MEST: variants seen among roughly 807,000 people sequenced by gnomAD.
MEST encodes mesoderm specific transcript.
MEST carries 18 observed loss-of-function variants against 50.9 expected under a neutral mutation model. That is an observed-to-expected ratio of 0.35 (90% CI 0.24 to 0.52). The LOEUF (loss-of-function observed/expected upper bound fraction) is 0.52. Among genes scored for constraint, MEST ranks in the 20% least tolerant of loss-of-function variants. The pLI is 0.94. For synonymous variants in MEST, 130 were observed against 154.1 expected (o/e 0.84, Z 1.16); for missense variants, 282 against 425.3 (o/e 0.66, Z 2.96).
At chr7:130,501,073 CTT>C (rs1463432926) in intron 9 of MEST, 183 bp downstream of exon 9, 23 of 527,352 alleles carry the variant, frequency 4.4e-5, no homozygotes, top group African/African-American at 2.1e-4. Context: ...AAACTGGACT[CTT>C]TGTTAGTATT....
At chr7:130,488,298 T>G (rs1466461343), upstream of MEST, 1 of 152,218 alleles carries the variant, frequency 6.6e-6, no homozygotes, top group Non-Finnish European at 1.5e-5. Context: ...AGACAGCCCC[T>G]ATGTTGGAAA....
Position 130,505,868 on chromosome 7 carries a change from A to T in MEST, c.*812A>T, listed in dbSNP as rs1460882377. On this transcript the variant is annotated 3_prime_UTR_variant, in exon 12 of 12. Transcript: ENST00000223215. The stretch of plus-strand genomic sequence containing the variant: ...ATTAGCTGGGAAGACCAATTCTAAC[A>T]GCAAATAACAGTCTGAGACTCCTCA... 6.6e-6 allele frequency: 1 copy of T among 152,214 alleles called. No homozygotes were observed. The highest frequency in any genetic ancestry group is 6.5e-5 in the Admixed American group (1 of 15,282). The allele number at this position is 152,214 out of a possible 1,614,324, so 9.4% of individuals were successfully genotyped here. A position where few individuals can be genotyped will look rare whatever the true frequency, so the allele number is the denominator to read the frequency against.
Position 130,492,290 on chromosome 7 carries a change from C to G in MEST, c.-24C>G. On this transcript the variant is annotated 5_prime_UTR_variant, in exon 1 of 12. Transcript: ENST00000223215. This position sits in a 1 kb window ranked among gnomAD's most constrained non-coding sequence, Gnocchi z 7.6. ...CGCCCGGTGCTCTGCAACGCTGCGG[C>G]GGGCGGCATGGGATAACGCGGCCAT... 1 of 1,348,322 alleles carries G rather than the reference C, an allele frequency of 7.4e-7. No homozygotes were observed. Among genetic ancestry groups the G allele is most frequent in the East Asian group, 3.0e-5 (1 of 33,120 alleles). 83.5% of individuals were successfully genotyped at this position (1,348,322 alleles called of 1,614,324 possible).
Position 130,500,973 on chromosome 7 carries a change from T to TA in MEST, c.749+84dup. On this transcript the variant is annotated intron_variant, in intron 9 of 11. Transcript: ENST00000223215. The surrounding 1 kb of genome is among the most constrained non-coding windows in gnomAD (Gnocchi z 5.0). ...TTGCTTGTTCTGTTCCTTGCTGGCT[T>TA]ATTCCCTATCACAGGAAGGCTGATG... 8.3e-7 allele frequency: 1 copy of TA among 1,208,308 alleles called. No homozygotes were observed. Among genetic ancestry groups the TA allele is most frequent in the South Asian group, 1.4e-5 (1 of 70,330 alleles). The allele number at this position is 1,208,308 out of a possible 1,614,324, so 74.8% of individuals were successfully genotyped here.
chr7:130,496,728 G>A (rs1234605450), intron 2 of MEST: 2 of 160,420 alleles, frequency 1.2e-5, no homozygotes, highest in African/African-American at 4.8e-5. Context: ...CTTGGGAATA[G>A]TTGCTGTATC....
chr7:130,487,386 C>T (rs1193423802), upstream of MEST: 1 of 152,200 alleles, frequency 6.6e-6, no homozygotes, highest in Non-Finnish European at 1.5e-5. Context: ...GAAGAAGTAC[C>T]AGCTGTGGGA....
At chr7:130,498,356 T>C (rs2116272211) in intron 5 of MEST, 63 bp from the exon 6 acceptor site, 1 of 1,611,574 alleles carries the variant, frequency 6.2e-7, no homozygotes, top group Non-Finnish European at 8.5e-7. Flanking sequence ...TTTCTCTCGT[T>C]TTCAGCGGTG....
chr7:130,488,134 T>C (rs1798679036), upstream of MEST: 1 of 152,174 alleles, frequency 6.6e-6, no homozygotes, highest in African/African-American at 2.4e-5. Flanking sequence ...TTCCAGTTCA[T>C]CTTGGAGCCT....
upstream of MEST, chr7:130,487,834 AC>A (rs1482837290): frequency 6.6e-6 from 1 of 152,210 alleles, no homozygotes; most frequent in African/African-American, 2.4e-5. Flanking sequence ...TTTGGTAGAG[AC>A]GGGGTTTCAC....
chr7:130,501,350 T>C (rs1799270636), intron 9 of MEST, among the ~76,000 whole-genome samples: 1 of 152,204 alleles, frequency 6.6e-6, no homozygotes, highest in Admixed American at 6.5e-5. Context: ...TAGCTTCCAG[T>C]GTTTTTACTG....
chr7:130,490,565 A>T (rs1403997198), upstream of MEST, among the ~76,000 whole-genome samples: 1 of 152,144 alleles, frequency 6.6e-6, no homozygotes, highest in East Asian at 1.9e-4. Flanking sequence ...GGGGCTACAA[A>T]AGGTGAATAA....
chr7:130,504,833 C>CT, intron 11 of MEST, 106 bp from the exon 12 acceptor site: 1 of 742,342 alleles, frequency 1.3e-6, no homozygotes, highest in South Asian at 1.8e-5. Context: ...TTGGTGGCTC[C>CT]TTCCAGTGTG....
At chr7:130,502,953 T>A (rs1299537566) in intron 10 of MEST, among the ~76,000 whole-genome samples, 1 of 152,204 alleles carries the variant, frequency 6.6e-6, no homozygotes, top group Non-Finnish European at 1.5e-5. Context: ...AAATTCAAAT[T>A]TTCTGGGTAT....
chr7:130,487,144 G>A (rs908997634), upstream of MEST: 1 of 151,742 alleles, frequency 6.6e-6, no homozygotes, highest in Non-Finnish European at 1.5e-5. Context: ...CTGTGCTGAA[G>A]CCCTTTCCTC....
intron 11 of MEST, 22 bp from the exon 12 acceptor site, chr7:130,504,917 G>C (rs782104567): frequency 6.3e-7 from 1 of 1,594,888 alleles, no homozygotes; most frequent in Non-Finnish European, 8.6e-7. Context: ...AAGTTCACCT[G>C]CGTGCTGTTC....
At position 130,500,503 on chromosome 7, in the gene MEST, A is replaced by ACTGATGAACTTCTT; in HGVS notation, c.619_632dup (p.Val212Ter). Reference sequence around the variant, plus strand: ...GTGTGCTGTCACCCATCCTCACACGACTGATGAACTTCTTTGTATTCTCTC... The same window carrying ACTGATGAACTTCTT: ...GTGTGCTGTCACCCATCCTCACACGACTGATGAACTTCTTCTGATGAACTTCTTTGTATTCTCTC... On this transcript the variant is annotated frameshift_variant, in exon 8 of 12. Coordinates refer to ENST00000223215, the MANE Select transcript of MEST (RefSeq NM_002402.4). LOFTEE classifies it high-confidence loss of function. This position sits in a 1 kb window ranked among gnomAD's most constrained non-coding sequence, Gnocchi z 5.0. 2 of 1,613,810 alleles carry ACTGATGAACTTCTT rather than the reference A, an allele frequency of 1.2e-6. No homozygotes were observed. The highest frequency in any genetic ancestry group is 1.7e-6 in the Non-Finnish European group (2 of 1,179,900).
chr7:130,504,040 C>T (rs1554439230), intron 11 of MEST, 44 bp downstream of exon 11: 1 of 1,502,440 alleles, frequency 6.7e-7, no homozygotes, highest in Non-Finnish European at 9.3e-7. Flanking sequence ...AGTATCTCAT[C>T]CTGACAGTGG....
At position 130,500,402 on chromosome 7, in the gene MEST, T is replaced by G. The variant is rs539569802; in HGVS notation, c.577-60T>G. 1.2e-4 allele frequency: 177 copies of G among 1,438,724 alleles called. No individual in the cohort carries two copies. The highest frequency in any genetic ancestry group is 1.6e-4 in the Non-Finnish European group (170 of 1,036,092). The allele number at this position is 1,438,724 out of a possible 1,614,324, so 89.1% of individuals were successfully genotyped here. A position where few individuals can be genotyped will look rare whatever the true frequency, so the allele number is the denominator to read the frequency against. ...ATTTAGTTCCTAGTATAAAACCTTT[T>G]GCCCCGGTGAGGATCTTCCTCTGGG... On this transcript the variant is annotated intron_variant, in intron 7 of 11. Coordinates refer to ENST00000223215, the MANE Select transcript of MEST (RefSeq NM_002402.4). The surrounding 1 kb of genome is among the most constrained non-coding windows in gnomAD (Gnocchi z 5.0).
chr7:130,498,054 G>A (rs781890948), intron 4 of MEST, 41 bp downstream of exon 4: 2 of 1,613,686 alleles, frequency 1.2e-6, no homozygotes, highest in Non-Finnish European at 1.7e-6. Flanking sequence ...GGGTGTGGGG[G>A]CAGACGCAGA....
Sources: allele counts gnomAD v4.1 joint callset (sites outside exome capture counted in the v4.1 genomes callset), GRCh38; gene constraint gnomAD v4.1.1; non-coding constraint Gnocchi (gnomAD v3.1); transcripts MANE v1.5; gene names NCBI Gene and HGNC (gene_info 2026-07-23, HGNC 2026-07-21).